NPHP1: variants seen among roughly 807,000 people sequenced by gnomAD.
NPHP1 encodes nephrocystin 1, also known as nephrocystin-1.
NPHP1 carries 70 observed loss-of-function variants against 90.4 expected under a neutral mutation model. The ratio of observed to expected loss-of-function variants is 0.77; its 90% CI spans 0.64 to 0.95. The LOEUF (loss-of-function observed/expected upper bound fraction) is 0.95. NPHP1 is among the 40% of genes least tolerant of loss of function. NPHP1 has a pLI of 0.00. For synonymous variants in NPHP1, 256 were observed against 271.7 expected (o/e 0.94, Z 0.57); for missense variants, 764 against 795.9 (o/e 0.96, Z 0.48).
Position 110,150,266 on chromosome 2 carries a change from G to A in NPHP1, c.1084-10C>T. 1.2e-6 allele frequency: 2 copies of A among 1,613,188 alleles called. No homozygotes were observed. The highest frequency in any genetic ancestry group is 1.7e-6 in the Non-Finnish European group (2 of 1,179,228). On this transcript the variant is annotated splice_polypyrimidine_tract_variant and intron_variant, in intron 11 of 19. Coordinates refer to ENST00000445609, the MANE Select transcript of NPHP1 (RefSeq NM_001128178.3). The stretch of plus-strand genomic sequence containing the variant: ...GAATGTTGCTCAGAACCTGAAATGA[G>A]ATTTTCCCTTTTGAAATCATGTAAA...
At chr2:110,196,315 A>G (rs1402444609) in intron 2 of NPHP1, among the ~76,000 whole-genome samples, 2 of 152,196 alleles carry the variant, frequency 1.3e-5, no homozygotes, top group African/African-American at 2.4e-5. Context: ...CAAGAAAAAA[A>G]CAAACGACGC....
At chr2:110,198,494 G>A (rs1490315070) in intron 2 of NPHP1, among the ~76,000 whole-genome samples, 1 of 152,068 alleles carries the variant, frequency 6.6e-6, no homozygotes, top group East Asian at 1.9e-4. Context: ...TTTAGTTGGG[G>A]TTCTTTCTTT....
chr2:110,151,248 T>A (rs146986419), intron 11 of NPHP1, among the ~76,000 whole-genome samples: 7 of 151,550 alleles, frequency 4.6e-5, no homozygotes, highest in African/African-American at 1.7e-4. Context: ...AGACAGACAG[T>A]CCTAATAGTT....
At chr2:110,179,491 C>G (rs1276706191) in intron 3 of NPHP1, 133 bp downstream of exon 3, 1 of 587,498 alleles carries the variant, frequency 1.7e-6, no homozygotes, top group Admixed American at 2.4e-5. Context: ...GTTCGGCAAG[C>G]CAGCACTGGC....
At chr2:110,148,396 G>A (rs1346962122) in intron 12 of NPHP1, among the ~76,000 whole-genome samples, 1 of 152,108 alleles carries the variant, frequency 6.6e-6, no homozygotes, top group Non-Finnish European at 1.5e-5. Context: ...TGTACAGTCT[G>A]CAGAACCAGG....
intron 16 of NPHP1, among the ~76,000 whole-genome samples, chr2:110,135,028 G>A (rs1259137321): frequency 6.6e-6 from 1 of 152,050 alleles, no homozygotes; most frequent in African/African-American, 2.4e-5. Context: ...GTAGAAATAT[G>A]TAGAATATAT....
Position 110,174,913 on chromosome 2 carries a change from G to A in NPHP1, c.329+3510C>T, listed in dbSNP as rs568373916. Among the ~76,000 whole-genome samples the A allele has an allele frequency of 2.9e-3, 433 of 151,668 alleles. 4 individuals carry two copies. The highest frequency in any genetic ancestry group is 4.6e-3 in the Non-Finnish European group (310 of 67,914). On this transcript the variant is annotated intron_variant, in intron 4 of 19. Transcript: ENST00000445609. The stretch of plus-strand genomic sequence containing the variant: ...TTCCTAAGCACAAGAAGGCTATAAT[G>A]TACCTCTGGAGAAAATAAGTGTGTT...
At chr2:110,129,385 CACTTTG>C in intron 17 of NPHP1, 126 bp from the exon 18 acceptor site, 1 of 776,362 alleles carries the variant, frequency 1.3e-6, no homozygotes. Flanking sequence ...ACATTCTACA[CACTTTG>C]ACTTCTAGGA....
At chr2:110,176,051 T>C (rs1258998250) in intron 4 of NPHP1, among the ~76,000 whole-genome samples, 1 of 152,080 alleles carries the variant, frequency 6.6e-6, no homozygotes, top group East Asian at 1.9e-4. Flanking sequence ...TTTTGGTCTT[T>C]ATTAGTTCCC....
intron 2 of NPHP1, chr2:110,184,312 T>C (rs1484813625): frequency 1.5e-5 from 9 of 608,288 alleles, no homozygotes; most frequent in Admixed American, 9.8e-5. Context: ...TGGAACGACA[T>C]GGAACACATC....
chr2:110,128,930 G>A, intron 18 of NPHP1: 1 of 507,354 alleles, frequency 2.0e-6, no homozygotes, highest in Admixed American at 3.4e-5. Context: ...GCCATCCTAA[G>A]TCAAGGAAAA....
chr2:110,132,739 T>C (rs1198387998), intron 16 of NPHP1, among the ~76,000 whole-genome samples: 1 of 152,086 alleles, frequency 6.6e-6, no homozygotes, highest in Non-Finnish European at 1.5e-5. Flanking sequence ...AAATAGAAAA[T>C]AATTCAACAT....
At chr2:110,168,698 C>T in intron 5 of NPHP1, 145 bp from the exon 6 acceptor site, 1 of 638,408 alleles carries the variant, frequency 1.6e-6, no homozygotes, top group East Asian at 2.8e-5. Flanking sequence ...TCAAAAGCTT[C>T]CCTATCACCC....
chr2:110,184,899 T>C, intron 2 of NPHP1: 1 of 691,876 alleles, frequency 1.4e-6, no homozygotes, highest in Non-Finnish European at 2.7e-6. Flanking sequence ...AGTGAAGGCA[T>C]CCACAAGGTC....
intron 11 of NPHP1, among the ~76,000 whole-genome samples, chr2:110,156,021 T>A (rs1681860499): frequency 6.6e-6 from 1 of 151,798 alleles, no homozygotes; most frequent in African/African-American, 2.4e-5. Flanking sequence ...AATTCTCACA[T>A]GTCGTGGGAG....
At chr2:110,184,422 T>C in intron 2 of NPHP1, 3 of 638,436 alleles carry the variant, frequency 4.7e-6, no homozygotes, top group Admixed American at 4.8e-5. Flanking sequence ...ACACCAGGAA[T>C]GAGCTGCCAA....
chr2:110,156,780 GTTT>G (rs59532714), intron 11 of NPHP1, among the ~76,000 whole-genome samples: 3 of 139,284 alleles, frequency 2.2e-5, no homozygotes, highest in African/African-American at 2.6e-5. Flanking sequence ...TTTGGTTTCT[GTTT>G]TTTTTTTTTT....
intron 11 of NPHP1, among the ~76,000 whole-genome samples, chr2:110,150,966 G>C (rs1265348833): frequency 2.0e-5 from 3 of 148,622 alleles, no homozygotes; most frequent in Non-Finnish European, 4.5e-5. Flanking sequence ...GGGAGTTTGA[G>C]ACCAGCCTGG....
At chr2:110,138,163 G>A (rs924889121) in intron 16 of NPHP1, among the ~76,000 whole-genome samples, 9 of 151,908 alleles carry the variant, frequency 5.9e-5, no homozygotes, top group Admixed American at 1.3e-4. Flanking sequence ...ATCATACACC[G>A]GGGCCTGTTG....
Sources: allele counts gnomAD v4.1 joint callset (sites outside exome capture counted in the v4.1 genomes callset), GRCh38; gene constraint gnomAD v4.1.1; transcripts MANE v1.5; gene names NCBI Gene and HGNC (gene_info 2026-07-23, HGNC 2026-07-21).